Variants in RANBP2 observed in about 807,000 individuals in gnomAD.
RANBP2 encodes the protein RAN binding protein 2, also known as E3 SUMO-protein ligase RanBP2.
A neutral mutation model predicts 303.6 loss-of-function variants in RANBP2; 57 were observed. The observed-to-expected ratio is 0.19, with a 90% CI of 0.15 to 0.23. The LOEUF is 0.23. Among genes scored for constraint, RANBP2 ranks in the 10% least tolerant of loss-of-function variants. The pLI, the probability that RANBP2 is intolerant of heterozygous loss-of-function variation, is 1.00. For missense variants in RANBP2, 3,138 were observed against 3,780.8 expected (o/e 0.83, Z 4.46); for synonymous variants, 1,167 against 1,301.5 (o/e 0.90, Z 2.23).
chr2:109,195,651 G>A, the RANBP2 span, among the ~76,000 whole-genome samples: 1 of 152,176 alleles, frequency 6.6e-6, no homozygotes, highest in Admixed American at 6.5e-5. Flanking sequence ...GCCTCTGACC[G>A]TGTGCCAGAG....
At chr2:109,345,924 C>T in the RANBP2 span, among the ~76,000 whole-genome samples, 2 of 152,152 alleles carry the variant, frequency 1.3e-5, no homozygotes, top group African/African-American at 2.4e-5. Flanking sequence ...CCCCACCTTC[C>T]GGTTGTGATA....
chr2:109,127,275 G>C, the RANBP2 span: 1 of 152,002 alleles, frequency 6.6e-6, no homozygotes, highest in Non-Finnish European at 1.5e-5. Context: ...TCACCAGTAG[G>C]TGATGAGAGA....
the RANBP2 span, among the ~76,000 whole-genome samples, chr2:109,406,243 C>T: frequency 6.6e-6 from 1 of 151,990 alleles, no homozygotes; most frequent in Non-Finnish European, 1.5e-5. Flanking sequence ...GGGAAAGAGG[C>T]CATTCAGGCC....
chr2:109,242,531 A>G, the RANBP2 span, among the ~76,000 whole-genome samples: 1 of 152,164 alleles, frequency 6.6e-6, no homozygotes, highest in African/African-American at 2.4e-5. Context: ...GTGAATGGCA[A>G]CAAGGCCAAG....
At chr2:108,837,247 G>A in the RANBP2 span, among the ~76,000 whole-genome samples, 1 of 152,062 alleles carries the variant, frequency 6.6e-6, no homozygotes, top group Non-Finnish European at 1.5e-5. Context: ...ATCATGAAAG[G>A]GCGTTGAATC....
the RANBP2 span, among the ~76,000 whole-genome samples, chr2:109,417,691 C>T: frequency 4.6e-5 from 7 of 152,194 alleles, no homozygotes; most frequent in African/African-American, 7.2e-5. Flanking sequence ...GGGAGTCTCT[C>T]GGTTGCACCC....
At chr2:109,377,980 C>T in the RANBP2 span, among the ~76,000 whole-genome samples, 1 of 152,262 alleles carries the variant, frequency 6.6e-6, no homozygotes, top group African/African-American at 2.4e-5. Context: ...CCGCGTTCTG[C>T]ACTACCTCAA....
chr2:108,833,451 T>G, the RANBP2 span, among the ~76,000 whole-genome samples: 2 of 152,128 alleles, frequency 1.3e-5, no homozygotes, highest in Non-Finnish European at 2.9e-5. Context: ...GAAGTAGAGA[T>G]AGAGTAGGCA....
At chr2:109,146,700 C>G in the RANBP2 span, among the ~76,000 whole-genome samples, 4 of 152,146 alleles carry the variant, frequency 2.6e-5, no homozygotes, top group Non-Finnish European at 5.9e-5. Flanking sequence ...GAGGAAGGGC[C>G]TGGATTGGGG....
At chr2:109,248,779 T>TTCTC in the RANBP2 span, among the ~76,000 whole-genome samples, 2,905 of 151,760 alleles carry the variant, frequency 0.019, 107 homozygotes, top group African/African-American at 0.066. Flanking sequence ...TTTCTCTTCT[T>TTCTC]TCTGTCTTTC....
chr2:109,249,578 TCC>T, the RANBP2 span, among the ~76,000 whole-genome samples: 5,463 of 117,164 alleles, frequency 0.047, 412 homozygotes, highest in Admixed American at 0.072. Context: ...CTTCCTTCCT[TCC>T]TTCCTTTCCT....
the RANBP2 span, among the ~76,000 whole-genome samples, chr2:108,838,976 A>T: frequency 6.6e-6 from 1 of 152,164 alleles, no homozygotes; most frequent in Non-Finnish European, 1.5e-5. Flanking sequence ...ATGTGCTGTT[A>T]TTGCTGGATG....
At chr2:108,798,663 T>G in the RANBP2 span, 1 of 1,146,300 alleles carries the variant, frequency 8.7e-7, no homozygotes, top group Non-Finnish European at 1.3e-6. Context: ...TAACATTTTG[T>G]CACATTTGCT....
At chr2:109,370,812 C>CA in the RANBP2 span, among the ~76,000 whole-genome samples, 1 of 152,162 alleles carries the variant, frequency 6.6e-6, no homozygotes, top group Non-Finnish European at 1.5e-5. Context: ...CCACTTTGTG[C>CA]ATTTATACTT....
chr2:109,342,635 C>T, the RANBP2 span, among the ~76,000 whole-genome samples: 5 of 152,310 alleles, frequency 3.3e-5, no homozygotes, highest in Non-Finnish European at 5.9e-5. Flanking sequence ...CGCTGCAGGC[C>T]GACTCTGGCA....
the RANBP2 span, among the ~76,000 whole-genome samples, chr2:109,610,992 C>T: frequency 0.15 from 22,544 of 152,148 alleles, 2,226 homozygotes; most frequent in Non-Finnish European, 0.22. Flanking sequence ...ATCAAGACTG[C>T]GTGCTAACGG....
the RANBP2 span, among the ~76,000 whole-genome samples, chr2:109,343,068 C>A: frequency 6.6e-6 from 1 of 152,162 alleles, no homozygotes; most frequent in African/African-American, 2.4e-5. Context: ...CGTCTGTGGG[C>A]AGAAAGCAAA....
chr2:109,357,563 G>T, the RANBP2 span, among the ~76,000 whole-genome samples: 20 of 152,094 alleles, frequency 1.3e-4, no homozygotes, highest in Admixed American at 4.6e-4. Context: ...CGCCCTTCCC[G>T]CATGTCTACT....
At chr2:108,942,958 G>C in the RANBP2 span, among the ~76,000 whole-genome samples, 1 of 152,190 alleles carries the variant, frequency 6.6e-6, no homozygotes, top group Non-Finnish European at 1.5e-5. Context: ...TGCCTTCCCG[G>C]CCCCTTCGCT....
Sources: allele counts gnomAD v4.1 joint callset (sites outside exome capture counted in the v4.1 genomes callset), GRCh38; gene constraint gnomAD v4.1.1; transcripts MANE v1.5; gene names NCBI Gene and HGNC (gene_info 2026-07-23, HGNC 2026-07-21).